DNM3: variants seen among roughly 807,000 people sequenced by gnomAD.
The protein encoded by DNM3 is dynamin-3.
A neutral mutation model predicts 101.6 loss-of-function variants in DNM3; 47 were observed. That is an observed-to-expected ratio of 0.46 (90% confidence interval 0.37 to 0.59). DNM3 has a LOEUF of 0.59. Ranked by LOEUF, DNM3 falls within the 20% of genes least tolerant of loss-of-function variation. The probability of loss-of-function intolerance (pLI) is 0.00; values close to 1 mark genes in which losing one functional copy is unlikely to be tolerated. For synonymous variants in DNM3, 385 were observed against 387.9 expected, an observed-to-expected ratio of 0.99 and a Z score of 0.09; for missense variants, 849 against 1,085.7, an observed-to-expected ratio of 0.78 and a Z score of 3.06.
At chr1:171,878,801 A>G (rs772038840) in intron 1 of DNM3, among the ~76,000 whole-genome samples, 2 of 152,146 alleles carry the variant, frequency 1.3e-5, no homozygotes, top group Non-Finnish European at 2.9e-5. Context: ...CAACTACTTC[A>G]ATGAATGTAT....
chr1:172,018,680 T>C (rs905888645), intron 4 of DNM3, among the ~76,000 whole-genome samples: 9 of 152,220 alleles, frequency 5.9e-5, no homozygotes, highest in African/African-American at 1.9e-4. Flanking sequence ...TTCTGTCAAA[T>C]ATTTTATTTA....
intron 2 of DNM3, among the ~76,000 whole-genome samples, chr1:171,934,985 T>G (rs1200461386): frequency 6.6e-6 from 1 of 152,182 alleles, no homozygotes; most frequent in East Asian, 1.9e-4. Context: ...AAAAGAGACT[T>G]AAGCAATTTA....
At chr1:172,145,340 C>G (rs2057827625) in intron 14 of DNM3, among the ~76,000 whole-genome samples, 1 of 151,456 alleles carries the variant, frequency 6.6e-6, no homozygotes, top group Non-Finnish European at 1.5e-5. Flanking sequence ...CTCTCTCTCT[C>G]TCTCTCCCCC....
intron 18 of DNM3, among the ~76,000 whole-genome samples, chr1:172,383,276 C>G (rs930112796): frequency 6.6e-6 from 1 of 152,110 alleles, no homozygotes; most frequent in Non-Finnish European, 1.5e-5. Context: ...ATATACTATA[C>G]GCCTTTTGTG....
At chr1:172,087,559 A>C (rs766712121) in intron 12 of DNM3, among the ~76,000 whole-genome samples, 11 of 151,988 alleles carry the variant, frequency 7.2e-5, no homozygotes, top group Admixed American at 6.6e-4. Context: ...TGTTGTTCCC[A>C]CTTTCTGTGG....
intron 14 of DNM3, among the ~76,000 whole-genome samples, chr1:172,241,028 T>C (rs1165448245): frequency 6.6e-6 from 1 of 152,096 alleles, no homozygotes; most frequent in Non-Finnish European, 1.5e-5. Context: ...ATTTAACCCA[T>C]GAATAGTAGT....
chr1:172,098,412 G>T (rs1056931688), intron 13 of DNM3, among the ~76,000 whole-genome samples: 2 of 152,152 alleles, frequency 1.3e-5, no homozygotes, highest in Admixed American at 1.3e-4. Context: ...TATCTCTCTT[G>T]TTCCCTGAAC....
At chr1:172,346,843 T>C (rs987235314) in intron 17 of DNM3, among the ~76,000 whole-genome samples, 1 of 152,158 alleles carries the variant, frequency 6.6e-6, no homozygotes, top group African/African-American at 2.4e-5. Flanking sequence ...GGCCAAATAA[T>C]GCCTGGCAAA....
intron 4 of DNM3, among the ~76,000 whole-genome samples, chr1:172,021,647 T>G (rs150481849): frequency 9.9e-5 from 15 of 152,278 alleles, no homozygotes; most frequent in African/African-American, 3.6e-4. Flanking sequence ...TAGGTGGGAT[T>G]TGAACCCAGG....
At chr1:171,884,558 A>G (rs887790775) in intron 1 of DNM3, among the ~76,000 whole-genome samples, 1 of 152,184 alleles carries the variant, frequency 6.6e-6, no homozygotes, top group Non-Finnish European at 1.5e-5. Context: ...AACAATAGCC[A>G]TTAATTTAGC....
intron 2 of DNM3, among the ~76,000 whole-genome samples, chr1:171,947,447 A>T (rs1056182779): frequency 3.3e-5 from 5 of 152,172 alleles, no homozygotes; most frequent in African/African-American, 4.8e-5. Flanking sequence ...GATATTTTTT[A>T]AAAATGTTAC....
intron 2 of DNM3, among the ~76,000 whole-genome samples, chr1:171,965,467 T>C (rs1324216859): frequency 6.6e-6 from 1 of 151,462 alleles, no homozygotes; most frequent in Non-Finnish European, 1.5e-5. Flanking sequence ...GTAGGAGGAT[T>C]ACCTGAGCCT....
chr1:172,276,541 CAG>C (rs1420781004), intron 15 of DNM3, among the ~76,000 whole-genome samples: 1 of 126,970 alleles, frequency 7.9e-6, no homozygotes, highest in Non-Finnish European at 1.7e-5. Flanking sequence ...GTAATAATCA[CAG>C]AAAAAAAATC....
intron 1 of DNM3, among the ~76,000 whole-genome samples, chr1:171,913,590 C>G (rs964941480): frequency 2.6e-5 from 4 of 152,282 alleles, no homozygotes; most frequent in African/African-American, 9.6e-5. Context: ...ATTTTAATAG[C>G]ACCATTGTGT....
chr1:171,945,035 T>G (rs971294078), intron 2 of DNM3, among the ~76,000 whole-genome samples: 1 of 151,676 alleles, frequency 6.6e-6, no homozygotes, highest in East Asian at 1.9e-4. Context: ...GACTGATTTT[T>G]TTTTAAAAAT....
At chr1:172,253,511 TCTCCTCTCCTCTC>T (rs2062267874) in intron 14 of DNM3, 49 bp from the exon 15 acceptor site, 2 of 890,398 alleles carry the variant, frequency 2.2e-6, no homozygotes, top group East Asian at 2.7e-5. Flanking sequence ...TCTCCTCTCC[TCTCCTCTCCTCTC>T]CTCTCCTCTC....
At chr1:172,128,053 T>C (rs1480968937) in intron 13 of DNM3, among the ~76,000 whole-genome samples, 1 of 152,188 alleles carries the variant, frequency 6.6e-6, no homozygotes, top group Admixed American at 6.5e-5. Flanking sequence ...TCCTTGAAAT[T>C]CACCTTGGCT....
At chr1:172,106,844 A>ATTTTTTTTTTTTTTTTTTT (rs1289662689) in intron 13 of DNM3, among the ~76,000 whole-genome samples, 2 of 51,048 alleles carry the variant, frequency 3.9e-5, no homozygotes, top group Admixed American at 2.4e-4. Flanking sequence ...AGGTAACATT[A>ATTTTTTTTTTTTTTTTTTT]TTCTTTTTTT....
chr1:172,178,267 A>G (rs1030109468), intron 14 of DNM3, among the ~76,000 whole-genome samples: 8 of 151,998 alleles, frequency 5.3e-5, no homozygotes, highest in Non-Finnish European at 1.2e-4. Context: ...TGTAATAAGA[A>G]GAAGAAAAAA....
Sources: gnomAD v4.1 joint callset for allele counts (sites outside exome capture counted in the v4.1 genomes callset) on GRCh38, gnomAD v4.1.1 for gene constraint, MANE v1.5 for transcripts, NCBI Gene and HGNC (gene_info 2026-07-23, HGNC 2026-07-21) for gene names.